CENPW: variants seen among roughly 807,000 people sequenced by gnomAD.
CENPW encodes the protein cancer-up-regulated gene 2 protein.
Under a neutral mutation model 11.1 loss-of-function variants are expected in CENPW, and 3 were observed. The observed-to-expected ratio is 0.27, with a 90% CI of 0.12 to 0.70. CENPW has a LOEUF of 0.70. Among genes scored for constraint, CENPW ranks in the 30% least tolerant of loss-of-function variants. CENPW has a pLI of 0.77. For missense variants in CENPW, 100 were observed against 105.6 expected (o/e 0.95, Z 0.23); for synonymous variants, 38 against 42.0 (o/e 0.91, Z 0.37).
At chr6:126,346,401 C>G (rs1359675394) in intron 2 of CENPW, 83 bp downstream of exon 2, 1 of 664,158 alleles carries the variant, frequency 1.5e-6, no homozygotes. Flanking sequence ...GATTTGTATA[C>G]CTTACTCAGC....
the CENPW span, among the ~76,000 whole-genome samples, chr6:126,367,301 C>T: frequency 6.6e-6 from 1 of 151,966 alleles, no homozygotes; most frequent in Admixed American, 6.6e-5. Context: ...AGATAGTATA[C>T]ATTGTCTCCA....
the CENPW span, among the ~76,000 whole-genome samples, chr6:126,357,527 G>C: frequency 1.3e-5 from 2 of 151,960 alleles, no homozygotes. Flanking sequence ...CCATTTTTAT[G>C]ACATGTATTC....
At chr6:126,444,165 T>G in the CENPW span, among the ~76,000 whole-genome samples, 1 of 150,862 alleles carries the variant, frequency 6.6e-6, no homozygotes, top group Non-Finnish European at 1.5e-5. Flanking sequence ...CCCTGTGGTC[T>G]CTTCTGGTTA....
At chr6:126,472,246 T>C in the CENPW span, among the ~76,000 whole-genome samples, 9 of 152,200 alleles carry the variant, frequency 5.9e-5, no homozygotes, top group African/African-American at 2.2e-4. Flanking sequence ...AAAACCACAA[T>C]ACATAATCAA....
At chr6:126,462,536 A>T in the CENPW span, among the ~76,000 whole-genome samples, 5 of 149,158 alleles carry the variant, frequency 3.4e-5, no homozygotes, top group East Asian at 7.9e-4. Context: ...TCTCTCTCAC[A>T]CACACACACA....
downstream of CENPW, among the ~76,000 whole-genome samples, chr6:126,352,526 C>T (rs781674623): frequency 6.6e-6 from 1 of 152,074 alleles, no homozygotes; most frequent in Non-Finnish European, 1.5e-5. Context: ...CATCTCTAAT[C>T]CATGTTGCTT....
the CENPW span, among the ~76,000 whole-genome samples, chr6:126,447,599 C>G: frequency 6.6e-6 from 1 of 151,134 alleles, no homozygotes; most frequent in Non-Finnish European, 1.5e-5. Flanking sequence ...CTCAGTTCTT[C>G]CAGGTATGAT....
the CENPW span, among the ~76,000 whole-genome samples, chr6:126,433,592 A>G: frequency 4.9e-3 from 740 of 152,292 alleles, 9 homozygotes; most frequent in African/African-American, 0.016. Context: ...TCAGCAGGGA[A>G]CAAGAGGATT....
At chr6:126,441,339 T>G in the CENPW span, among the ~76,000 whole-genome samples, 1,087 of 151,498 alleles carry the variant, frequency 7.2e-3, 12 homozygotes, top group African/African-American at 0.025. Context: ...TTCCTGACTC[T>G]AGTAGCCAAA....
At chr6:126,448,747 C>T in the CENPW span, among the ~76,000 whole-genome samples, 1 of 150,988 alleles carries the variant, frequency 6.6e-6, no homozygotes, top group African/African-American at 2.4e-5. Flanking sequence ...ATTCATATAA[C>T]TCCCTGCAAA....
the CENPW span, among the ~76,000 whole-genome samples, chr6:126,370,888 G>A: frequency 6.6e-6 from 1 of 151,944 alleles, no homozygotes; most frequent in Non-Finnish European, 1.5e-5. Context: ...GAGTAACTGG[G>A]ATTACAGGTG....
chr6:126,470,658 C>G, the CENPW span, among the ~76,000 whole-genome samples: 1 of 152,222 alleles, frequency 6.6e-6, no homozygotes. Flanking sequence ...ACACTCAACA[C>G]CAGCCCATAA....
the CENPW span, among the ~76,000 whole-genome samples, chr6:126,439,061 G>A: frequency 1.3e-5 from 2 of 151,646 alleles, no homozygotes; most frequent in South Asian, 4.1e-4. Context: ...TATATTGGAT[G>A]ATCTGGATTT....
chr6:126,348,689 C>G lies in CENPW; in HGVS notation c.*197C>G. ...CTATTTAACCCTTTTATGGGAATTA[C>G]TATTATTTTTATTTTAAATGTCCTC... On this transcript the variant is annotated 3_prime_UTR_variant, in exon 3 of 3. Transcript: ENST00000368328. 2.7e-6 allele frequency: 1 copy of G among 376,280 alleles called. No individual in the cohort carries two copies. The highest frequency in any genetic ancestry group is 4.8e-6 in the Non-Finnish European group (1 of 208,568). The allele number at this position is 376,280 out of a possible 1,614,324, so 23.3% of individuals were successfully genotyped here. A position where few individuals can be genotyped will look rare whatever the true frequency, so the allele number is the denominator to read the frequency against.
In CENPW at chr6:126,340,207, C is replaced by T. The variant is rs971339104; in HGVS notation, c.-67C>T. 1.4e-5 allele frequency: 21 copies of T among 1,481,186 alleles called. No homozygotes were observed. The African/African-American group carries it at 1.5e-4, about 11-fold the overall frequency. The allele number at this position is 1,481,186 out of a possible 1,614,324, so 91.8% of individuals were successfully genotyped here. A position where few individuals can be genotyped will look rare whatever the true frequency, so the allele number is the denominator to read the frequency against. The stretch of plus-strand genomic sequence containing the variant: ...CGGATTGTTTTCGCTGGCCCAGTGT[C>T]CCCGGAGCTTGTGTGCGATACAGAG... On this transcript the variant is annotated 5_prime_UTR_variant, in exon 1 of 3. Coordinates refer to ENST00000368328, the MANE Select transcript of CENPW (RefSeq NM_001012507.4).
At chr6:126,443,942 A>G in the CENPW span, among the ~76,000 whole-genome samples, 1 of 151,172 alleles carries the variant, frequency 6.6e-6, no homozygotes, top group Non-Finnish European at 1.5e-5. Flanking sequence ...TAAAATGCAT[A>G]TAAAGTCCTT....
At chr6:126,467,761 T>G in the CENPW span, among the ~76,000 whole-genome samples, 84 of 152,308 alleles carry the variant, frequency 5.5e-4, no homozygotes, top group African/African-American at 1.9e-3. Flanking sequence ...ACACAGTGAC[T>G]GTCTTCCAAA....
At chr6:126,420,971 A>AT in the CENPW span, among the ~76,000 whole-genome samples, 13 of 152,160 alleles carry the variant, frequency 8.5e-5, no homozygotes, top group Non-Finnish European at 1.6e-4. Flanking sequence ...TGTGGGAATT[A>AT]TATATGATCA....
the CENPW span, among the ~76,000 whole-genome samples, chr6:126,405,682 T>G: frequency 1.3e-5 from 2 of 152,056 alleles, no homozygotes; most frequent in Non-Finnish European, 2.9e-5. Context: ...TTTCTTTAAT[T>G]GGTTTTTTAT....
Sources: allele counts gnomAD v4.1 joint callset (sites outside exome capture counted in the v4.1 genomes callset), GRCh38; gene constraint gnomAD v4.1.1; transcripts MANE v1.5; gene names NCBI Gene and HGNC (gene_info 2026-07-23, HGNC 2026-07-21).